The following ZBTB4 variants were observed in gnomAD, a reference collection of about 807,000 sequenced individuals.
ZBTB4 encodes zinc finger and BTB domain containing 4, also known as zinc finger and BTB domain-containing protein 4.
Under a neutral mutation model 59.8 loss-of-function variants are expected in ZBTB4, and 14 were observed. That is an observed-to-expected ratio of 0.23 (90% CI 0.15 to 0.37). The LOEUF (loss-of-function observed/expected upper bound fraction) is 0.37, where lower values mean the gene tolerates loss of function less well. Ranked by LOEUF, ZBTB4 falls within the 10% of genes least tolerant of loss-of-function variation. The pLI is 1.00. For synonymous variants in ZBTB4, 587 were observed against 575.2 expected, an observed-to-expected ratio of 1.02 and a Z score of -0.29; for missense variants, 1,198 against 1,380.8, an observed-to-expected ratio of 0.87 and a Z score of 2.10.
At chr17:7,471,149 A>G (rs2070192405) in intron 1 of ZBTB4, among the ~76,000 whole-genome samples, 1 of 152,004 alleles carries the variant, frequency 6.6e-6, no homozygotes, top group African/African-American at 2.4e-5. Flanking sequence ...ACACACAATC[A>G]TTGTCATCAT....
At chr17:7,483,416 G>A (rs1259524380), upstream of ZBTB4, 2 of 279,210 alleles carry the variant, frequency 7.2e-6, no homozygotes, top group Non-Finnish European at 6.9e-6. Context: ...TCACGGCAAA[G>A]GTTTCCTTTC....
At position 7,462,657 on chromosome 17, in the gene ZBTB4, C is replaced by CT. The variant is rs1198449965; in HGVS notation, c.2324dup (p.Thr776AspfsTer15). 6.2e-7 allele frequency: 1 copy of CT among 1,607,902 alleles called. No individual in the cohort carries two copies. On this transcript the variant is annotated frameshift_variant, in exon 4 of 4. Transcript: ENST00000380599. LOFTEE classifies it high-confidence loss of function. The surrounding 1 kb of genome is among the most constrained non-coding windows in gnomAD (Gnocchi z 7.5). ...CGTGGCGGCTCAGGGCAGCTGCGGT[C>CT]TTGCACACCTTGGCGCAGTGGGGGC...
At chr17:7,477,002 C>T (rs1205714088) in intron 1 of ZBTB4, among the ~76,000 whole-genome samples, 5 of 152,232 alleles carry the variant, frequency 3.3e-5, no homozygotes, top group Non-Finnish European at 5.9e-5. Context: ...GGGCAGATTA[C>T]TTAACTTCTC....
chr17:7,482,190 C>T (rs763808084), upstream of ZBTB4: 42 of 1,613,934 alleles, frequency 2.6e-5, no homozygotes, highest in East Asian at 2.0e-4. Flanking sequence ...AACCTGCCCT[C>T]GCTGGAGCTG....
chr17:7,473,083 T>A (rs913468171), intron 1 of ZBTB4, among the ~76,000 whole-genome samples: 1 of 146,470 alleles, frequency 6.8e-6, no homozygotes, highest in Admixed American at 6.9e-5. Context: ...ACCTCACGAG[T>A]CACTGGGACT....
rs1429754118 is a variant in ZBTB4, at chr17:7,466,505, G to A, written c.297C>T (p.Ser99=). The A allele has an allele frequency of 8.1e-6, 13 of 1,609,510 alleles. No individual in the cohort carries two copies. The Admixed American group carries it at 2.0e-4, about 25-fold the overall frequency. ...AAGAGGAAGAAGAAGAAGAAGCAGAGGAGGAAGAAGAGGAAGAAGACGAGG... is the reference window on the plus strand; with the variant it reads ...AAGAGGAAGAAGAAGAAGAAGCAGAAGAGGAAGAAGAGGAAGAAGACGAGG... ...SSSSSSSSSS[S]SASSSSSSSS... The change falls in exon 3 of 4, where the codon TCC becomes TCT. Residue 99 remains serine (S), a synonymous_variant. Transcript: ENST00000380599. The surrounding 1 kb of genome is among the most constrained non-coding windows in gnomAD (Gnocchi z 9.1).
At chr17:7,480,336 C>A (rs2070328247), upstream of ZBTB4, among the ~76,000 whole-genome samples, 1 of 152,172 alleles carries the variant, frequency 6.6e-6, no homozygotes, top group Admixed American at 6.5e-5. Flanking sequence ...CCTGAAACTC[C>A]ACAGGGACAA....
In ZBTB4 at chr17:7,461,986, C is replaced by G; in HGVS notation, c.2996G>C (p.Gly999Ala). Residue 999 changes from glycine to alanine, a missense_variant, in exon 4 of 4, where the codon GGG becomes GCG. Gly to Ala is a moderately conservative substitution (Grantham distance 60, BLOSUM62 0). This residue lies in a region of ZBTB4 where 211 missense variants were observed against 236.1 expected (regional missense o/e 0.89). Transcript: ENST00000380599. ...LPPPIPPKGE[G>A]ERAGVERTQK... ...GGTTCTCTCAACCCCTGCCCTTTCC[C>G]CTTCTCCCTTAGGGGGAATTGGTGG... 6.3e-7 allele frequency: 1 copy of G among 1,593,416 alleles called. No homozygotes were observed. Among genetic ancestry groups the G allele is most frequent in the East Asian group, 2.2e-5 (1 of 44,682 alleles).
intron 1 of ZBTB4, among the ~76,000 whole-genome samples, chr17:7,474,203 G>T (rs1478149772): frequency 2.2e-5 from 3 of 139,156 alleles, no homozygotes; most frequent in Non-Finnish European, 4.6e-5. Context: ...TTACAGGCAT[G>T]AGCCACCATG....
Position 7,465,848 on chromosome 17 carries a change from G to A in ZBTB4, c.954C>T (p.Tyr318=), listed in dbSNP as rs549301753. ...GTCTCTTCAGACTGGACAGGGTCAC[G>A]TAGGAACGCTCGCAGGCCGCGCACA... ...LYVCAACERS[Y]VTLSSLKRHS... The change falls in exon 3 of 4, where the codon TAC becomes TAT. Residue 318 remains tyrosine, a synonymous_variant. Coordinates refer to ENST00000380599, the MANE Select transcript of ZBTB4 (RefSeq NM_001128833.2). 84 of 1,614,220 alleles carry A rather than the reference G, an allele frequency of 5.2e-5. No homozygotes were observed. Among genetic ancestry groups the A allele is most frequent in the Admixed American group, 4.7e-4 (28 of 60,036 alleles).
intron 3 of ZBTB4, among the ~76,000 whole-genome samples, chr17:7,464,510 G>A (rs34809908): frequency 0.08 from 12,099 of 150,912 alleles, 560 homozygotes; most frequent in African/African-American, 0.11. Context: ...TGGTGAGCAG[G>A]GGCCTCAGGA....
At chr17:7,477,690 A>C (rs1044311750) in intron 1 of ZBTB4, among the ~76,000 whole-genome samples, 10 of 152,176 alleles carry the variant, frequency 6.6e-5, no homozygotes, top group Admixed American at 3.3e-4. Flanking sequence ...AGTGGGGCCC[A>C]GTGTGCGTCA....
rs746086871 is a variant in ZBTB4, at chr17:7,466,505, GGAGGAAGAA to G, written c.288_296del (p.Ser98_Ser100del). The G allele has an allele frequency of 5.6e-6, 9 of 1,609,626 alleles. No homozygotes were observed. The highest frequency in any genetic ancestry group is 1.7e-5 in the Admixed American group (1 of 58,906). ...AAGAGGAAGAAGAAGAAGAAGCAGA[GGAGGAAGAA>G]GAGGAAGAAGACGAGGAAGAGGAGG... On this transcript the variant is annotated inframe_deletion, in exon 3 of 4. Coordinates refer to ENST00000380599, the MANE Select transcript of ZBTB4 (RefSeq NM_001128833.2). The surrounding 1 kb of genome is among the most constrained non-coding windows in gnomAD (Gnocchi z 9.1).
At chr17:7,481,897 C>G (rs2070349108), upstream of ZBTB4, 10 of 1,497,452 alleles carry the variant, frequency 6.7e-6, no homozygotes, top group African/African-American at 1.4e-5. Context: ...TACAGTCCCA[C>G]AGGGTCCCAG....
chr17:7,474,365 A>G (rs945022469), intron 1 of ZBTB4, among the ~76,000 whole-genome samples: 1 of 151,560 alleles, frequency 6.6e-6, no homozygotes, highest in Non-Finnish European at 1.5e-5. Context: ...CTACGGGCAT[A>G]TGCCACCACG....
At chr17:7,480,997 G>A (rs1361962548), upstream of ZBTB4, among the ~76,000 whole-genome samples, 2 of 151,810 alleles carry the variant, frequency 1.3e-5, no homozygotes, top group Admixed American at 6.6e-5. Flanking sequence ...CCATCTCTAC[G>A]AAAAATAAAA....
In ZBTB4 at chr17:7,462,156, G is replaced by A. The variant is rs576175120; in HGVS notation, c.2826C>T (p.Ala942=). The part of the protein sequence containing the change: ...AAYPYNFSNL[A]ALPVALNMVL... ...CCATGTTGAGAGCAACCGGGAGAGC[G>A]GCCAAGTTACTGAAGTTGTAAGGGT... Residue 942 remains alanine, a synonymous_variant, in exon 4 of 4, where the codon GCC becomes GCT. Transcript: ENST00000380599. This position sits in a 1 kb window ranked among gnomAD's most constrained non-coding sequence, Gnocchi z 7.5. 92 of 1,613,762 alleles carry A rather than the reference G, an allele frequency of 5.7e-5. No homozygotes were observed. Among genetic ancestry groups the A allele is most frequent in the African/African-American group, 8.0e-5 (6 of 74,860 alleles).
In ZBTB4 at chr17:7,460,926, G is replaced by A; in HGVS notation, c.*1014C>T. ...GATGGGAATACAGGTAAGGATGGAA[G>A]GTCATGTGCAAATCCTGGGCTTACC... On this transcript the variant is annotated 3_prime_UTR_variant, in exon 4 of 4. Transcript: ENST00000380599. The A allele has an allele frequency of 6.6e-6, 1 of 152,586 alleles. No individual in the cohort carries two copies. Among genetic ancestry groups the A allele is most frequent in the Admixed American group, 6.5e-5 (1 of 15,284 alleles). 9.5% of individuals were successfully genotyped at this position (152,586 alleles called of 1,614,324 possible).
chr17:7,468,757 ATCT>A (rs1028595570), intron 1 of ZBTB4, among the ~76,000 whole-genome samples: 35 of 152,168 alleles, frequency 2.3e-4, no homozygotes, highest in African/African-American at 8.4e-4. Context: ...CCCCTGAAAA[ATCT>A]TCTTTCCCAT....
Sources: allele counts gnomAD v4.1 joint callset (sites outside exome capture counted in the v4.1 genomes callset), GRCh38; gene constraint gnomAD v4.1.1; regional missense constraint gnomAD v4.1.1; non-coding constraint Gnocchi (gnomAD v3.1); transcripts MANE v1.5; gene names NCBI Gene and HGNC (gene_info 2026-07-23, HGNC 2026-07-21).